The following MRPS25 variants were observed in gnomAD, a reference collection of about 807,000 sequenced individuals.
MRPS25 encodes mitochondrial ribosomal protein S25, also known as small ribosomal subunit protein mS25.
MRPS25 carries 15 observed loss-of-function variants against 17.3 expected under a neutral mutation model. The observed-to-expected ratio is 0.87, with a 90% confidence interval of 0.58 to 1.34. The LOEUF (loss-of-function observed/expected upper bound fraction) is 1.34. Among genes scored for constraint, MRPS25 ranks in the 40% most tolerant of loss-of-function variants. MRPS25 has a pLI of 0.00. For missense variants in MRPS25, 225 were observed against 218.6 expected, an observed-to-expected ratio of 1.03 and a Z score of -0.19; for synonymous variants, 94 against 83.3, an observed-to-expected ratio of 1.13 and a Z score of -0.70.
intron 1 of MRPS25, among the ~76,000 whole-genome samples, chr3:15,062,966 T>TA (rs2042799415): frequency 6.6e-6 from 1 of 151,864 alleles, no homozygotes; most frequent in African/African-American, 2.4e-5. Context: ...TTCACTTGTT[T>TA]ATCTGCTGAC....
chr3:15,052,629 T>C lies in MRPS25; in HGVS notation c.334A>G (p.Thr112Ala). 1.2e-6 allele frequency: 2 copies of C among 1,613,358 alleles called. No homozygotes were observed. Among genetic ancestry groups the C allele is most frequent in the Non-Finnish European group, 1.7e-6 (2 of 1,179,696 alleles). ...IRKILGKNEE[T>A]LREEEEEKKQ... ...TTCTCCTCCTCCTCTTCCCTGAGGG[T>C]TTCCCTGCCAAAGAGCACAGACGGC... The change falls in exon 4 of 4, where the codon ACC becomes GCC. Residue 112 changes from threonine (T) to alanine (A), a missense_variant. By Grantham distance (58) the Thr-to-Ala change is moderately conservative (BLOSUM62 0). Coordinates refer to ENST00000253686, the MANE Select transcript of MRPS25 (RefSeq NM_022497.5).
intron 2 of MRPS25, among the ~76,000 whole-genome samples, chr3:15,055,664 T>TA: frequency 6.6e-6 from 1 of 152,228 alleles, no homozygotes; most frequent in East Asian, 1.9e-4. Flanking sequence ...CTACTGGAAA[T>TA]AAGTGAATTT....
intron 2 of MRPS25, 105 bp downstream of exon 2, chr3:15,059,264 A>G: frequency 2.5e-6 from 2 of 798,172 alleles, no homozygotes; most frequent in African/African-American, 1.7e-5. Flanking sequence ...CAGACACACC[A>G]TGACAGCGCA....
In MRPS25 at chr3:15,050,186, C is replaced by T; in HGVS notation, c.*2255G>A. 2 of 1,220,940 alleles carry T rather than the reference C, an allele frequency of 1.6e-6. No homozygotes were observed. Among genetic ancestry groups the T allele is most frequent in the Non-Finnish European group, 2.0e-6 (2 of 980,264 alleles). 75.6% of individuals were successfully genotyped at this position (1,220,940 alleles called of 1,614,324 possible). A position where few individuals can be genotyped will look rare whatever the true frequency, so the allele number is the denominator to read the frequency against. On this transcript the variant is annotated 3_prime_UTR_variant, in exon 4 of 4. Transcript: ENST00000253686. The stretch of plus-strand genomic sequence containing the variant: ...AAAAAGAAAATAATGTTTATTTCCA[C>T]AAATTATCTGCTGCCTGTGAAGCTG...
chr3:15,042,726 C>T (rs1004423816), downstream of MRPS25: 9 of 892,622 alleles, frequency 1.0e-5, no homozygotes, highest in African/African-American at 6.7e-5. Context: ...ATGGTGGATC[C>T]GTTTGGTTTG....
downstream of MRPS25, chr3:15,044,071 A>C (rs2042365710): frequency 6.6e-6 from 1 of 152,162 alleles, no homozygotes; most frequent in Non-Finnish European, 1.5e-5. Flanking sequence ...TTCCACTCCA[A>C]ATGCCCCCTT....
Position 15,050,842 on chromosome 3 carries a change from A to G in MRPS25, c.*1599T>C. The G allele has an allele frequency of 2.0e-6, 2 of 985,440 alleles. No homozygotes were observed. Among genetic ancestry groups the G allele is most frequent in the Non-Finnish European group, 2.4e-6 (2 of 829,922 alleles). The allele number at this position is 985,440 out of a possible 1,614,324, so 61.0% of individuals were successfully genotyped here. ...AATCAAACTTGAGCATCAAATGTAA[A>G]AGATCCAAATCTGCTCAATTTAATG... On this transcript the variant is annotated 3_prime_UTR_variant, in exon 4 of 4. Transcript: ENST00000253686.
At chr3:15,055,908 T>G (rs558116655) in intron 2 of MRPS25, among the ~76,000 whole-genome samples, 2 of 151,870 alleles carry the variant, frequency 1.3e-5, no homozygotes, top group East Asian at 3.9e-4. Context: ...CCCGTTTTTT[T>G]TTTTTTTTAA....
chr3:15,061,172 AAAGTT>A (rs1352280124), intron 1 of MRPS25, among the ~76,000 whole-genome samples: 2 of 152,172 alleles, frequency 1.3e-5, no homozygotes, highest in African/African-American at 4.8e-5. Context: ...ACACAAGATG[AAAGTT>A]AAGTCCCTCT....
At position 15,050,553 on chromosome 3, in the gene MRPS25, C is replaced by G; in HGVS notation, c.*1888G>C. The G allele has an allele frequency of 1.0e-6, 1 of 985,512 alleles. No individual in the cohort carries two copies. Among genetic ancestry groups the G allele is most frequent in the Non-Finnish European group, 1.2e-6 (1 of 830,068 alleles). The allele number at this position is 985,512 out of a possible 1,614,324, so 61.0% of individuals were successfully genotyped here. On this transcript the variant is annotated 3_prime_UTR_variant, in exon 4 of 4. Transcript: ENST00000253686. ...GAGCCCTTGCAGCCAAGTAGAACGC[C>G]CAGGCAGGTGGTATCAAGGTCAAGA...
chr3:15,053,699 T>G (rs1293339302), intron 2 of MRPS25: 2 of 552,438 alleles, frequency 3.6e-6, no homozygotes, highest in East Asian at 3.4e-5. Context: ...AGAAAGACAT[T>G]CCATGTTCAT....
intron 1 of MRPS25, among the ~76,000 whole-genome samples, chr3:15,060,350 A>G (rs2042734450): frequency 6.6e-6 from 1 of 151,268 alleles, no homozygotes; most frequent in African/African-American, 2.5e-5. Flanking sequence ...CTGTCTCTAT[A>G]AAAAAATTAA....
intron 1 of MRPS25, 32 bp from the exon 2 acceptor site, chr3:15,059,507 CAG>C (rs765216106): frequency 1.1e-5 from 17 of 1,484,076 alleles, no homozygotes; most frequent in Admixed American, 5.2e-5. Context: ...GCCTATGAAA[CAG>C]AGTTTTTAGC....
At position 15,052,453 on chromosome 3, in the gene MRPS25, A is replaced by G; in HGVS notation, c.510T>C (p.Asp170=). The G allele has an allele frequency of 1.2e-6, 2 of 1,613,582 alleles. No individual in the cohort carries two copies. Among genetic ancestry groups the G allele is most frequent in the Non-Finnish European group, 1.7e-6 (2 of 1,179,552 alleles). ...GTGACCGTGGGCCTTAGTCCTGGGC[A>G]TCGGCTTTCAGAGCGGCTTTGTACT... ...RGKYKAALKA[D]AQD The change falls in exon 4 of 4, where the codon GAT becomes GAC. Residue 170 remains aspartate (D), a synonymous_variant. Transcript: ENST00000253686.
Position 15,051,696 on chromosome 3 carries a change from G to C in MRPS25, c.*745C>G, listed in dbSNP as rs763358749. The C allele has an allele frequency of 2.0e-4, 197 of 985,688 alleles. No individual in the cohort carries two copies. The highest frequency in any genetic ancestry group is 2.2e-4 in the Non-Finnish European group (185 of 830,252). The allele number at this position is 985,688 out of a possible 1,614,324, so 61.1% of individuals were successfully genotyped here. ...GCCAGCTATAGACACCATCCCCCCA[G>C]CAGGGCCCCAATGTCTCCACTAGGT... On this transcript the variant is annotated 3_prime_UTR_variant, in exon 4 of 4. Coordinates refer to ENST00000253686, the MANE Select transcript of MRPS25 (RefSeq NM_022497.5).
rs551202007 is a variant in MRPS25, at chr3:15,057,944, G to A, written c.241+1425C>T. Among the ~76,000 whole-genome samples the A allele has an allele frequency of 3.9e-5, 6 of 152,292 alleles. No homozygotes were observed. In the East Asian group the frequency reaches 1.2e-3, roughly 29 times the overall value. On this transcript the variant is annotated intron_variant, in intron 2 of 3. Coordinates refer to ENST00000253686, the MANE Select transcript of MRPS25 (RefSeq NM_022497.5). The stretch of plus-strand genomic sequence containing the variant: ...CTGTTGCCCAGGCTGGCGTGCAGTG[G>A]TGCGATCTTGGCTCACTGCAACCTC...
chr3:15,052,197 A>G lies in MRPS25; in HGVS notation c.*244T>C. On this transcript the variant is annotated 3_prime_UTR_variant, in exon 4 of 4. Coordinates refer to ENST00000253686, the MANE Select transcript of MRPS25 (RefSeq NM_022497.5). ...GCCTTCCTCTTCACTAGGACCAGAT[A>G]CACGCCAAGCTGCTATTAGGAAGCG... 8.1e-7 allele frequency: 1 copy of G among 1,241,534 alleles called. No homozygotes were observed. The highest frequency in any genetic ancestry group is 1.0e-6 in the Non-Finnish European group (1 of 990,566). The allele number at this position is 1,241,534 out of a possible 1,614,324, so 76.9% of individuals were successfully genotyped here. A position where few individuals can be genotyped will look rare whatever the true frequency, so the allele number is the denominator to read the frequency against.
chr3:15,050,213 C>T lies in MRPS25; in HGVS notation c.*2228G>A. 8.5e-7 allele frequency: 1 copy of T among 1,171,576 alleles called. No homozygotes were observed. 72.6% of individuals were successfully genotyped at this position (1,171,576 alleles called of 1,614,324 possible). A position where few individuals can be genotyped will look rare whatever the true frequency, so the allele number is the denominator to read the frequency against. On this transcript the variant is annotated 3_prime_UTR_variant, in exon 4 of 4. Coordinates refer to ENST00000253686, the MANE Select transcript of MRPS25 (RefSeq NM_022497.5). ...AATTATCTGCTGCCTGTGAAGCTGG[C>T]CACACAGGCAGTAACTGCACCACAG...
Position 15,049,814 on chromosome 3 carries a change from G to A in MRPS25, c.*2627C>T. 1.1e-6 allele frequency: 1 copy of A among 938,668 alleles called. No homozygotes were observed. Among genetic ancestry groups the A allele is most frequent in the Non-Finnish European group, 1.6e-6 (1 of 612,256 alleles). 58.1% of individuals were successfully genotyped at this position (938,668 alleles called of 1,614,324 possible). On this transcript the variant is annotated 3_prime_UTR_variant, in exon 4 of 4. Transcript: ENST00000253686. ...CCGTCACCCAGGCTGGAATGCAGTG[G>A]TACAGTCATGGCTCACTCCAGCCTC... is the stretch of plus-strand genomic sequence containing the variant.
Sources: allele counts gnomAD v4.1 joint callset (sites outside exome capture counted in the v4.1 genomes callset), GRCh38; gene constraint gnomAD v4.1.1; transcripts MANE v1.5; gene names NCBI Gene and HGNC (gene_info 2026-07-23, HGNC 2026-07-21).